ITGAL: variants seen among roughly 807,000 people sequenced by gnomAD.
ITGAL encodes integrin subunit alpha L, also known as integrin alpha-L.
A neutral mutation model predicts 138.4 loss-of-function variants in ITGAL; 68 were observed. That is an observed-to-expected ratio of 0.49 (90% CI 0.40 to 0.60). The LOEUF (loss-of-function observed/expected upper bound fraction) is 0.60. Ranked by LOEUF, ITGAL falls within the 20% of genes least tolerant of loss-of-function variation. The pLI, the probability that ITGAL is intolerant of heterozygous loss-of-function variation, is 0.00. For missense variants in ITGAL, 1,256 were observed against 1,478.6 expected (o/e 0.85, Z 2.47); for synonymous variants, 561 against 584.3 (o/e 0.96, Z 0.57).
intron 20 of ITGAL, among the ~76,000 whole-genome samples, chr16:30,505,811 G>A (rs936617591): frequency 3.3e-5 from 5 of 152,314 alleles, no homozygotes; most frequent in African/African-American, 1.2e-4. Context: ...TGAGCCAGGA[G>A]TTTGAGGCTG....
At chr16:30,504,338 C>T (rs896971613) in intron 18 of ITGAL, 74 bp downstream of exon 18, 9 of 1,120,244 alleles carry the variant, frequency 8.0e-6, no homozygotes, top group Middle Eastern at 2.0e-4. Flanking sequence ...CGCCCATGGC[C>T]GGGCAGCACA....
At chr16:30,474,859 T>TTC (rs2050446109) in intron 2 of ITGAL, among the ~76,000 whole-genome samples, 1 of 125,706 alleles carries the variant, frequency 8.0e-6, no homozygotes, top group African/African-American at 2.8e-5. Flanking sequence ...TTTTTTTTTT[T>TTC]CTTTTTTTTT....
chr16:30,479,338 CA>C lies in ITGAL; in HGVS notation c.455del (p.Lys152ArgfsTer4). The C allele has an allele frequency of 6.2e-7, 1 of 1,614,086 alleles. No homozygotes were observed. The highest frequency in any genetic ancestry group is 8.5e-7 in the Non-Finnish European group (1 of 1,180,032). On this transcript the variant is annotated frameshift_variant, in exon 6 of 31. Transcript: ENST00000356798. LOFTEE classifies it high-confidence loss of function. ...TGCGTCTGGCTTCTGCAGAATGTAT[CA>C]AGGGCAACGTAGACCTGGTATTTCT... is the stretch of plus-strand genomic sequence containing the variant. ...QGRPGFQECI[K>X]GNVDLVFLFD...
chr16:30,495,975 AAC>A, intron 13 of ITGAL, 120 bp from the exon 14 acceptor site: 1 of 798,678 alleles, frequency 1.3e-6, no homozygotes. Context: ...TGGTTAGTCT[AAC>A]AGCACCATTC....
chr16:30,521,323 C>T (rs564965182), intron 30 of ITGAL, among the ~76,000 whole-genome samples, 169 bp from the exon 31 acceptor site: 1 of 151,752 alleles, frequency 6.6e-6, no homozygotes, highest in Non-Finnish European at 1.5e-5. Flanking sequence ...AAGAGAATTG[C>T]TTAAGTCTGG....
chr16:30,517,026 G>C lies in ITGAL; in HGVS notation c.2916G>C (p.Val972=). ...ACAACATACCCACCCTGGAGGCTGT[G>C]GTTGGGGTGCCACAGCCTCCCAGCG... ...HDHNIPTLEA[V]VGVPQPPSEG... is the part of the protein sequence containing the mutation. Residue 972 remains valine (V), a synonymous_variant, in exon 26 of 31, where the codon GTG becomes GTC. Coordinates refer to ENST00000356798, the MANE Select transcript of ITGAL (RefSeq NM_002209.3). 6.2e-7 allele frequency: 1 copy of C among 1,613,912 alleles called. No homozygotes were observed.
intron 11 of ITGAL, 79 bp downstream of exon 11, chr16:30,489,465 A>C (rs2050694295): frequency 1.4e-6 from 2 of 1,452,650 alleles, no homozygotes; most frequent in South Asian, 2.4e-5. Flanking sequence ...CAAAACAATA[A>C]TGAAAGCAGT....
At chr16:30,498,291 G>T (rs1001099730) in intron 15 of ITGAL, among the ~76,000 whole-genome samples, 18 of 149,768 alleles carry the variant, frequency 1.2e-4, no homozygotes, top group African/African-American at 4.2e-4. Context: ...TAGGAGCCAG[G>T]CACTGGGGCT....
intron 20 of ITGAL, among the ~76,000 whole-genome samples, chr16:30,505,808 G>T (rs1326937912): frequency 1.3e-5 from 2 of 152,190 alleles, no homozygotes; most frequent in African/African-American, 4.8e-5. Flanking sequence ...GCTTGAGCCA[G>T]GAGTTTGAGG....
chr16:30,507,377 T>C (rs2051017671), intron 21 of ITGAL, among the ~76,000 whole-genome samples: 1 of 148,322 alleles, frequency 6.7e-6, no homozygotes, highest in African/African-American at 2.5e-5. Context: ...GAGAATGGCA[T>C]GAACCCCAGG....
rs1264687976 is a variant in ITGAL at position 30,499,713 on chromosome 16, GTATA to G, written c.2145+242_2145+245del. Among the ~76,000 whole-genome samples, 18 of 103,196 alleles carry G rather than the reference GTATA, an allele frequency of 1.7e-4. 1 individual carries two copies. Among genetic ancestry groups the G allele is most frequent in the African/African-American group, 5.9e-4 (13 of 22,220 alleles). The allele number at this position is 103,196 out of a possible 152,430, so 67.7% of individuals were successfully genotyped here. A position where few individuals can be genotyped will look rare whatever the true frequency, so the allele number is the denominator to read the frequency against. On this transcript the variant is annotated intron_variant, in intron 17 of 30. Transcript: ENST00000356798. ...TATATATATGTGTATATATATATAT[GTATA>G]TATATATATATATATATTTTTTTTT...
chr16:30,506,661 A>G (rs754944372), intron 20 of ITGAL, 54 bp from the exon 21 acceptor site: 6 of 1,415,970 alleles, frequency 4.2e-6, no homozygotes, highest in Non-Finnish European at 5.7e-6. Context: ...CTCAGTTCTG[A>G]TATTCCCCAC....
At chr16:30,515,076 C>T (rs1053875948) in intron 25 of ITGAL, among the ~76,000 whole-genome samples, 22 of 152,156 alleles carry the variant, frequency 1.4e-4, no homozygotes, top group East Asian at 7.8e-4. Flanking sequence ...CCGCCCACCT[C>T]GGCCTCCCAA....
chr16:30,507,468 C>CAA (rs986162500), intron 21 of ITGAL, among the ~76,000 whole-genome samples: 17 of 108,518 alleles, frequency 1.6e-4, no homozygotes, highest in African/African-American at 4.3e-4. Context: ...AAAAAAAAAA[C>CAA]AAAAAAAAAA....
At chr16:30,516,550 T>C (rs1371910031) in intron 25 of ITGAL, among the ~76,000 whole-genome samples, 1 of 151,750 alleles carries the variant, frequency 6.6e-6, no homozygotes, top group African/African-American at 2.4e-5. Flanking sequence ...CAGTAGGGGA[T>C]TGGAGGTGGA....
chr16:30,498,723 G>T, intron 15 of ITGAL: 1 of 197,184 alleles, frequency 5.1e-6, no homozygotes, highest in East Asian at 1.2e-4. Flanking sequence ...ACATAGGAAG[G>T]TCCCTTCTCT....
chr16:30,505,614 A>G, intron 20 of ITGAL, 152 bp downstream of exon 20: 1 of 652,884 alleles, frequency 1.5e-6, no homozygotes. Context: ...TCAGGGGCTC[A>G]TGCCTATAAT....
chr16:30,501,963 G>A (rs1440084175), intron 17 of ITGAL, among the ~76,000 whole-genome samples: 1 of 151,716 alleles, frequency 6.6e-6, no homozygotes, highest in Non-Finnish European at 1.5e-5. Flanking sequence ...AACCCAGGAG[G>A]TGGAGGTTGC....
At chr16:30,474,580 TC>T (rs572942089) in intron 2 of ITGAL, 155 of 401,144 alleles carry the variant, frequency 3.9e-4, no homozygotes, top group Admixed American at 5.8e-4. Flanking sequence ...ACTCCCTTAC[TC>T]CCCTGCGAGC....
Sources: allele counts gnomAD v4.1 joint callset (sites outside exome capture counted in the v4.1 genomes callset), GRCh38; gene constraint gnomAD v4.1.1; transcripts MANE v1.5; gene names NCBI Gene and HGNC (gene_info 2026-07-23, HGNC 2026-07-21).